The following KCNQ2 variants were observed in gnomAD, a reference collection of about 807,000 sequenced individuals.
KCNQ2 encodes the protein potassium voltage-gated channel subfamily Q member 2, also known as potassium voltage-gated channel subfamily KQT member 2.
KCNQ2 carries 14 observed loss-of-function variants against 84.8 expected under a neutral mutation model. The observed-to-expected ratio is 0.17, with a 90% confidence interval of 0.11 to 0.26. The LOEUF (loss-of-function observed/expected upper bound fraction) is 0.26. KCNQ2 is among the 10% of genes least tolerant of loss of function. The probability of loss-of-function intolerance (pLI) is 1.00; values close to 1 mark genes in which losing one functional copy is unlikely to be tolerated. For missense variants in KCNQ2, 788 were observed against 1,254.0 expected, an observed-to-expected ratio of 0.63 and a Z score of 5.61; for synonymous variants, 599 against 554.1, an observed-to-expected ratio of 1.08 and a Z score of -1.14.
In KCNQ2 at chr20:63,400,563, G is replaced by A; in HGVS notation, c.*6081C>T. 2.5e-6 allele frequency: 1 copy of A among 398,524 alleles called. No individual in the cohort carries two copies. 24.7% of individuals were successfully genotyped at this position (398,524 alleles called of 1,614,324 possible). Reference sequence around the variant, plus strand: ...AAGGACACATACAAAATGGTCAGAAGTGTACGTCGGTACTGAAGGCATTAT... The same window carrying A: ...AAGGACACATACAAAATGGTCAGAAATGTACGTCGGTACTGAAGGCATTAT... On this transcript the variant is annotated 3_prime_UTR_variant, in exon 17 of 17. Coordinates refer to ENST00000359125, the MANE Select transcript of KCNQ2 (RefSeq NM_172107.4). This position sits in a 1 kb window ranked among gnomAD's most constrained non-coding sequence, Gnocchi z 8.7.
rs1601525543 is a variant in KCNQ2 at position 63,400,754 on chromosome 20, C to T, written c.*5890G>A. 7.5e-6 allele frequency: 3 copies of T among 398,352 alleles called. No homozygotes were observed. The highest frequency in any genetic ancestry group is 4.4e-5 in the Admixed American group (1 of 22,718). The allele number at this position is 398,352 out of a possible 1,614,324, so 24.7% of individuals were successfully genotyped here. ...GTGTGGATCCCGGGCAGAGGGATGG[C>T]GTCCAGCGGGACCACCAGCTCTGGG... On this transcript the variant is annotated 3_prime_UTR_variant, in exon 17 of 17. Transcript: ENST00000359125. The surrounding 1 kb of genome is among the most constrained non-coding windows in gnomAD (Gnocchi z 8.7).
chr20:63,407,101 T>C lies in KCNQ2; in HGVS notation c.2162A>G (p.Gln721Arg). Residue 721 changes from glutamine (Q) to arginine (R), a missense_variant, in exon 17 of 17, where the codon CAG becomes CGG. By Grantham distance (43) the Gln-to-Arg change is conservative. Around this residue, in one of 8 missense-constraint regions of KCNQ2, gnomAD observed 378 missense variants for 434.5 expected, o/e 0.87. Transcript: ENST00000359125. The surrounding 1 kb of genome is among the most constrained non-coding windows in gnomAD (Gnocchi z 7.2). ...GCCGTGGCCCTGGCGCGGGTGGCTC[T>C]GTGGCTGCCAGGAGGTGGAGGGCGG... ...QCPPSTSWQPQSHPRQGHGTS... is the reference protein window; with the variant it reads ...QCPPSTSWQPRSHPRQGHGTS... 1 of 1,540,034 alleles carries C rather than the reference T, an allele frequency of 6.5e-7. No homozygotes were observed. The highest frequency in any genetic ancestry group is 8.7e-7 in the Non-Finnish European group (1 of 1,145,218).
At chr20:63,444,421 G>A (rs991791153) in intron 4 of KCNQ2, among the ~76,000 whole-genome samples, 1 of 152,292 alleles carries the variant, frequency 6.6e-6, no homozygotes, top group East Asian at 1.9e-4. Context: ...CTGGCCTTTC[G>A]AAAAAGCAGC....
At chr20:63,459,254 GCCT>G (rs2145858054) in intron 1 of KCNQ2, 1 of 152,382 alleles carries the variant, frequency 6.6e-6, no homozygotes, top group Admixed American at 6.5e-5. Context: ...CGGCGGCCAC[GCCT>G]GTACTCCCAG....
In KCNQ2 at chr20:63,433,118, G is replaced by A. The variant is rs76167471; in HGVS notation, c.1118+691C>T. Among the ~76,000 whole-genome samples the A allele has an allele frequency of 5.1e-3, 782 of 152,306 alleles. 43 individuals carry two copies. In the East Asian group the frequency reaches 0.12, roughly 23 times the overall value. On this transcript the variant is annotated intron_variant, in intron 8 of 16. Coordinates refer to ENST00000359125, the MANE Select transcript of KCNQ2 (RefSeq NM_172107.4). ...TTAATTTAAGCAAGAGCCAGGCAAC[G>A]AAAATCCCAGCTGGCTGCCACCTGC... is the stretch of plus-strand genomic sequence containing the variant.
intron 1 of KCNQ2, chr20:63,471,735 C>A: frequency 6.0e-6 from 1 of 165,848 alleles, no homozygotes; most frequent in Non-Finnish European, 1.3e-5. Context: ...TGGCGGAGGA[C>A]AGGCCAGACC....
rs1335213887 is a variant in KCNQ2 at position 63,406,575 on chromosome 20, C to G, written c.*69G>C. 1.3e-6 allele frequency: 2 copies of G among 1,484,512 alleles called. No individual in the cohort carries two copies. Among genetic ancestry groups the G allele is most frequent in the Non-Finnish European group, 1.8e-6 (2 of 1,121,536 alleles). 92.0% of individuals were successfully genotyped at this position (1,484,512 alleles called of 1,614,324 possible). ...TGTAAGAAAAGGGCCCCAGAGGGTT[C>G]CCGCCTCAAAACCTCGGAGGCACCG... On this transcript the variant is annotated 3_prime_UTR_variant, in exon 17 of 17. Transcript: ENST00000359125.
intron 1 of KCNQ2, among the ~76,000 whole-genome samples, chr20:63,450,229 C>T (rs1157442287): frequency 2.0e-5 from 3 of 151,464 alleles, no homozygotes; most frequent in Non-Finnish European, 4.4e-5. Flanking sequence ...CCCACTGCTC[C>T]GGAGGGACCT....
At chr20:63,424,137 G>A (rs963829157) in intron 11 of KCNQ2, 40 bp downstream of exon 11, 64 of 1,551,804 alleles carry the variant, frequency 4.1e-5, no homozygotes, top group Non-Finnish European at 5.6e-5. Context: ...AGACGGCCGT[G>A]CACACGGCAG....
intron 10 of KCNQ2, among the ~76,000 whole-genome samples, chr20:63,426,408 C>T (rs1036459018): frequency 1.3e-5 from 2 of 152,140 alleles, no homozygotes; most frequent in Admixed American, 1.3e-4. Flanking sequence ...AACAGTGAAT[C>T]TCCTAATTTA....
chr20:63,446,111 G>C lies in KCNQ2; in HGVS notation c.387+636C>G, dbSNP rs2081418936. 6.7e-6 allele frequency: 2 copies of C among 299,858 alleles called. No homozygotes were observed. Among genetic ancestry groups the C allele is most frequent in the Admixed American group, 1.0e-4 (2 of 19,514 alleles). 18.6% of individuals were successfully genotyped at this position (299,858 alleles called of 1,614,324 possible). A position where few individuals can be genotyped will look rare whatever the true frequency, so the allele number is the denominator to read the frequency against. On this transcript the variant is annotated intron_variant, in intron 2 of 16. Coordinates refer to ENST00000359125, the MANE Select transcript of KCNQ2 (RefSeq NM_172107.4). The surrounding 1 kb of genome is among the most constrained non-coding windows in gnomAD (Gnocchi z 5.5). ...GCTGGGGGACCCTGTCTGAGCCAGTGGGGGACCTGCCTTGAGTTGGGGGGT... is the reference window on the plus strand; with the variant it reads ...GCTGGGGGACCCTGTCTGAGCCAGTCGGGGACCTGCCTTGAGTTGGGGGGT...
rs918811099 is a variant in KCNQ2 at position 63,424,086 on chromosome 20, C to T, written c.1247+91G>A. 12 of 1,419,004 alleles carry T rather than the reference C, an allele frequency of 8.5e-6. No individual in the cohort carries two copies. The Admixed American group carries it at 9.9e-5, about 12-fold the overall frequency. The allele number at this position is 1,419,004 out of a possible 1,614,324, so 87.9% of individuals were successfully genotyped here. A position where few individuals can be genotyped will look rare whatever the true frequency, so the allele number is the denominator to read the frequency against. On this transcript the variant is annotated intron_variant, in intron 11 of 16. Coordinates refer to ENST00000359125, the MANE Select transcript of KCNQ2 (RefSeq NM_172107.4). Reference sequence around the variant, plus strand: ...CACGGAAGCACACACAAGGCCCTCACATCTCCATGACAGGTTGCGCACACG... The same window carrying T: ...CACGGAAGCACACACAAGGCCCTCATATCTCCATGACAGGTTGCGCACACG...
chr20:63,404,108 C>G lies in KCNQ2; in HGVS notation c.*2536G>C, dbSNP rs1007481604. On this transcript the variant is annotated 3_prime_UTR_variant, in exon 17 of 17. Transcript: ENST00000359125. Reference sequence around the variant, plus strand: ...CGTTCCTTGCTGGACATGAGTCTGGCCTCAGTCCCTCCTGCTGGGCGGCCA... The same window carrying G: ...CGTTCCTTGCTGGACATGAGTCTGGGCTCAGTCCCTCCTGCTGGGCGGCCA... The G allele has an allele frequency of 1.3e-5, 2 of 152,376 alleles. No individual in the cohort carries two copies. Among genetic ancestry groups the G allele is most frequent in the Admixed American group, 6.5e-5 (1 of 15,288 alleles). The allele number at this position is 152,376 out of a possible 1,614,324, so 9.4% of individuals were successfully genotyped here.
rs185217832 is a variant in KCNQ2 at position 63,407,608 on chromosome 20, T to A, written c.1888-233A>T. Among the ~76,000 whole-genome samples, 2 of 148,108 alleles carry A rather than the reference T, an allele frequency of 1.4e-5. No homozygotes were observed. Among genetic ancestry groups the A allele is most frequent in the Admixed American group, 6.7e-5 (1 of 14,988 alleles). ...TCCAGGAAACAGGAGAGACCCAGGC[T>A]AGTCCCAGGAAATGGGGGACCCAGG... On this transcript the variant is annotated intron_variant, in intron 16 of 16. Coordinates refer to ENST00000359125, the MANE Select transcript of KCNQ2 (RefSeq NM_172107.4). This position sits in a 1 kb window ranked among gnomAD's most constrained non-coding sequence, Gnocchi z 7.2.
rs150982653 is a variant in KCNQ2, at chr20:63,407,214, G to A, written c.2049C>T (p.His683=). Residue 683 remains histidine (H), a synonymous_variant, in exon 17 of 17, where the codon CAC becomes CAT. Transcript: ENST00000359125. The surrounding 1 kb of genome is among the most constrained non-coding windows in gnomAD (Gnocchi z 7.2). ...PEDSREHVDR[H]GCIVKIVRSS... ...AGCGCACGATCTTGACAATGCAGCC[G>A]TGCCTGTCGACATGCTCCCGGCTGT... 173 of 1,604,976 alleles carry A rather than the reference G, an allele frequency of 1.1e-4. No individual in the cohort carries two copies. The highest frequency in any genetic ancestry group is 1.0e-4 in the Admixed American group (6 of 59,956).
rs1259476081 is a variant in KCNQ2, at chr20:63,445,328, A to G, written c.424T>C (p.Phe142Leu). The change falls in exon 3 of 17, where the codon TTC becomes CTC. Residue 142 changes from phenylalanine (F) to leucine (L), a missense_variant. By Grantham distance (22) the Phe-to-Leu change is conservative (BLOSUM62 0). Transcript: ENST00000359125. ...VTIVVFGVEY[F>L]VRIWAAGCCC... The stretch of plus-strand genomic sequence containing the variant: ...CAGCCTGCGGCCCAGATCCGCACGA[A>G]GTACTCCACGCCAAACACCACGATA... The G allele has an allele frequency of 6.2e-7, 1 of 1,613,768 alleles. No individual in the cohort carries two copies. Among genetic ancestry groups the G allele is most frequent in the East Asian group, 2.2e-5 (1 of 44,894 alleles).
At chr20:63,420,935 C>T (rs1169347365) in intron 11 of KCNQ2, among the ~76,000 whole-genome samples, 1 of 152,196 alleles carries the variant, frequency 6.6e-6, no homozygotes, top group African/African-American at 2.4e-5. Context: ...CTCCCTGCGC[C>T]TGGCTTGAGG....
At chr20:63,416,508 A>G (rs1284494892) in intron 12 of KCNQ2, among the ~76,000 whole-genome samples, 10 of 152,304 alleles carry the variant, frequency 6.6e-5, no homozygotes, top group African/African-American at 2.4e-4. Context: ...GGACCCGCTC[A>G]TGCCCAGCCA....
intron 6 of KCNQ2, among the ~76,000 whole-genome samples, chr20:63,439,051 C>T (rs2297384): frequency 0.084 from 12,768 of 152,208 alleles, 1,015 homozygotes; most frequent in East Asian, 0.45. Context: ...GCAGGACCCA[C>T]ACTGAACTCA....
Sources: allele counts gnomAD v4.1 joint callset (sites outside exome capture counted in the v4.1 genomes callset), GRCh38; gene constraint gnomAD v4.1.1; regional missense constraint gnomAD v4.1.1; non-coding constraint Gnocchi (gnomAD v3.1); transcripts MANE v1.5; gene names NCBI Gene and HGNC (gene_info 2026-07-23, HGNC 2026-07-21).